Variants in IPO11 observed in about 807,000 individuals in gnomAD.
IPO11 encodes importin-11.
A neutral mutation model predicts 143.2 loss-of-function variants in IPO11; 66 were observed. The observed-to-expected ratio is 0.46, with a 90% CI of 0.38 to 0.57. The LOEUF (loss-of-function observed/expected upper bound fraction) is 0.57, where lower values mean the gene tolerates loss of function less well. Among genes scored for constraint, IPO11 ranks in the 20% least tolerant of loss-of-function variants. The probability of loss-of-function intolerance (pLI) is 0.00; values close to 1 mark genes in which losing one functional copy is unlikely to be tolerated. For synonymous variants in IPO11, 385 were observed against 377.8 expected (o/e 1.02, Z -0.22); for missense variants, 1,026 against 1,141.0 (o/e 0.90, Z 1.45).
In IPO11 at chr5:62,450,314, C is replaced by T. The variant is rs562324776; in HGVS notation, c.312+315C>T. 3.9e-4 allele frequency among the ~76,000 whole-genome samples: 59 copies of T among 152,236 alleles called. No homozygotes were observed. In the East Asian group the frequency reaches 4.2e-3, roughly 11 times the overall value. ...TGATGCCTAATGTTATTTTGGACAA[C>T]AGTGGACTGCATGTATAATCGTGGT... On this transcript the variant is annotated intron_variant, in intron 4 of 29. Transcript: ENST00000325324.
At chr5:62,437,564 T>C (rs1174236137) in intron 2 of IPO11, 147 bp downstream of exon 2, 5 of 608,142 alleles carry the variant, frequency 8.2e-6, no homozygotes, top group Non-Finnish European at 1.4e-5. Flanking sequence ...TATTACTTTA[T>C]GACTTCTTAA....
At chr5:62,556,511 A>G (rs1419210438) in intron 26 of IPO11, among the ~76,000 whole-genome samples, 1 of 151,994 alleles carries the variant, frequency 6.6e-6, no homozygotes, top group Non-Finnish European at 1.5e-5. Flanking sequence ...AGTCTAGGTG[A>G]GAGGATTGTT....
intron 26 of IPO11, among the ~76,000 whole-genome samples, chr5:62,555,363 A>G (rs1203799929): frequency 1.3e-5 from 2 of 151,848 alleles, no homozygotes; most frequent in African/African-American, 2.4e-5. Context: ...CATCCAGGCT[A>G]GAATGCAGTG....
chr5:62,418,728 A>G (rs1466942605), intron 1 of IPO11, among the ~76,000 whole-genome samples: 1 of 152,214 alleles, frequency 6.6e-6, no homozygotes, highest in Non-Finnish European at 1.5e-5. Flanking sequence ...AGAGGGAACA[A>G]ATTGTACAAG....
chr5:62,435,056 A>G, intron 1 of IPO11, among the ~76,000 whole-genome samples: 1 of 109,862 alleles, frequency 9.1e-6, no homozygotes, highest in Non-Finnish European at 1.8e-5. Context: ...ATGTGTATAT[A>G]TATATGTATA....
At chr5:62,414,621 C>T (rs1183839414) in intron 1 of IPO11, among the ~76,000 whole-genome samples, 1 of 152,158 alleles carries the variant, frequency 6.6e-6, no homozygotes, top group African/African-American at 2.4e-5. Context: ...GCTTAAGTTG[C>T]ATCAGTGTTC....
chr5:62,520,429 T>C (rs1580278046), intron 20 of IPO11, among the ~76,000 whole-genome samples: 3 of 152,138 alleles, frequency 2.0e-5, no homozygotes, highest in Admixed American at 2.0e-4. Flanking sequence ...AACGTGCAGG[T>C]TTGTTACATA....
intron 1 of IPO11, among the ~76,000 whole-genome samples, chr5:62,435,142 A>ATATGTGTATATATGTATATG (rs1174824069): frequency 1.7e-5 from 1 of 60,044 alleles, no homozygotes; most frequent in African/African-American, 7.6e-5. Context: ...ATATGTATAT[A>ATATGTGTATATATGTATATG]TGTATATATG....
chr5:62,506,152 T>C (rs1580258876), intron 18 of IPO11, 89 bp from the exon 19 acceptor site: 1 of 639,536 alleles, frequency 1.6e-6, no homozygotes, highest in Admixed American at 2.9e-5. Context: ...TTTGACATTA[T>C]GATTTATTTC....
intron 3 of IPO11, among the ~76,000 whole-genome samples, chr5:62,445,626 A>G (rs1007270657): frequency 6.6e-6 from 1 of 152,164 alleles, no homozygotes; most frequent in Non-Finnish European, 1.5e-5. Context: ...ACAGTGTTCA[A>G]TAAATTAACA....
At chr5:62,544,976 T>C (rs1743107730) in intron 24 of IPO11, among the ~76,000 whole-genome samples, 1 of 152,178 alleles carries the variant, frequency 6.6e-6, no homozygotes, top group Non-Finnish European at 1.5e-5. Flanking sequence ...GAACATTCCA[T>C]GCTCATGGAT....
intron 16 of IPO11, among the ~76,000 whole-genome samples, chr5:62,500,868 A>G (rs1305943571): frequency 1.3e-5 from 2 of 152,220 alleles, no homozygotes; most frequent in Non-Finnish European, 2.9e-5. Flanking sequence ...CCGCAAATGC[A>G]TAGGTAATGT....
intron 19 of IPO11, among the ~76,000 whole-genome samples, chr5:62,515,119 C>T (rs1741963839): frequency 1.3e-5 from 2 of 152,110 alleles, no homozygotes; most frequent in African/African-American, 2.4e-5. Flanking sequence ...TTCTGTTAAC[C>T]TCTAAAGTGT....
At chr5:62,523,434 A>G (rs1398288003) in intron 20 of IPO11, among the ~76,000 whole-genome samples, 1 of 152,202 alleles carries the variant, frequency 6.6e-6, no homozygotes, top group Non-Finnish European at 1.5e-5. Context: ...AAGAAACGTT[A>G]CGATTTTTAT....
At chr5:62,513,719 G>C (rs1186777051) in intron 19 of IPO11, among the ~76,000 whole-genome samples, 1 of 149,440 alleles carries the variant, frequency 6.7e-6, no homozygotes, top group Non-Finnish European at 1.5e-5. Context: ...GGGGCGGCTG[G>C]CCGGGTGGGG....
At chr5:62,623,471 A>AG (rs1357997175) in intron 29 of IPO11, among the ~76,000 whole-genome samples, 5 of 152,148 alleles carry the variant, frequency 3.3e-5, no homozygotes, top group African/African-American at 4.8e-5. Flanking sequence ...ATCCCAAGAG[A>AG]GGGCTCTTGG....
intron 5 of IPO11, among the ~76,000 whole-genome samples, chr5:62,462,599 T>A (rs754208551): frequency 3.9e-5 from 6 of 152,140 alleles, no homozygotes; most frequent in Non-Finnish European, 7.4e-5. Context: ...GGTACACTCA[T>A]AGCTCACTGC....
chr5:62,518,430 C>T (rs1006021426), intron 20 of IPO11, among the ~76,000 whole-genome samples: 37 of 149,584 alleles, frequency 2.5e-4, no homozygotes, highest in African/African-American at 8.2e-4. Flanking sequence ...GGTGACATAG[C>T]GAGACTCTGT....
At chr5:62,422,995 A>T (rs1342241516) in intron 1 of IPO11, among the ~76,000 whole-genome samples, 2 of 152,218 alleles carry the variant, frequency 1.3e-5, no homozygotes, top group Non-Finnish European at 2.9e-5. Context: ...GCAAGAAAAT[A>T]TCAGAAAGGG....
Sources: gnomAD v4.1 joint callset for allele counts (sites outside exome capture counted in the v4.1 genomes callset) on GRCh38, gnomAD v4.1.1 for gene constraint, MANE v1.5 for transcripts, NCBI Gene and HGNC (gene_info 2026-07-23, HGNC 2026-07-21) for gene names.